SORT1: variants seen among roughly 807,000 people sequenced by gnomAD.
The protein encoded by SORT1 is sortilin 1.
Under a neutral mutation model 101.7 loss-of-function variants are expected in SORT1, and 39 were observed. That is an observed-to-expected ratio of 0.38 (90% confidence interval 0.30 to 0.50). The LOEUF is 0.50. SORT1 is among the 20% of genes least tolerant of loss of function. The pLI, the probability that SORT1 is intolerant of heterozygous loss-of-function variation, is 0.90. For synonymous variants in SORT1, 396 were observed against 393.7 expected, an observed-to-expected ratio of 1.01 and a Z score of -0.07; for missense variants, 878 against 1,040.4, an observed-to-expected ratio of 0.84 and a Z score of 2.15.
chr1:109,367,134 G>C, intron 3 of SORT1: 1 of 274,960 alleles, frequency 3.6e-6, no homozygotes, highest in Non-Finnish European at 6.8e-6. Context: ...GGCTGAAGTG[G>C]GAGGATGGCT....
intron 3 of SORT1, among the ~76,000 whole-genome samples, chr1:109,360,165 T>C (rs1421755210): frequency 1.2e-4 from 19 of 152,042 alleles, no homozygotes; most frequent in Admixed American, 1.2e-3. Context: ...TGAAAACCCA[T>C]CTCTACAAAG....
At chr1:109,339,536 T>C (rs1230214832) in intron 10 of SORT1, among the ~76,000 whole-genome samples, 1 of 152,164 alleles carries the variant, frequency 6.6e-6, no homozygotes, top group East Asian at 1.9e-4. Flanking sequence ...ATCAAAGCTA[T>C]AAACGAGATA....
chr1:109,396,516 C>T (rs1653183632), intron 1 of SORT1, among the ~76,000 whole-genome samples: 1 of 152,158 alleles, frequency 6.6e-6, no homozygotes, highest in South Asian at 2.1e-4. Context: ...CACAATTATT[C>T]CTGAATATTT....
chr1:109,354,263 A>G, intron 5 of SORT1, 104 bp downstream of exon 5: 2 of 836,804 alleles, frequency 2.4e-6, no homozygotes, highest in Non-Finnish European at 3.6e-6. Context: ...AGGAGACTTG[A>G]AAGAAGTCCA....
At chr1:109,391,390 C>T (rs1372226054) in intron 1 of SORT1, among the ~76,000 whole-genome samples, 1 of 152,120 alleles carries the variant, frequency 6.6e-6, no homozygotes, top group Non-Finnish European at 1.5e-5. Flanking sequence ...GTGATCACAA[C>T]CTCTGGCCTC....
intron 1 of SORT1, among the ~76,000 whole-genome samples, chr1:109,395,371 C>T (rs1344001195): frequency 2.0e-5 from 3 of 151,716 alleles, no homozygotes; most frequent in Admixed American, 6.6e-5. Flanking sequence ...CAGGCGCATG[C>T]CACCGCGTCT....
intron 15 of SORT1, among the ~76,000 whole-genome samples, chr1:109,318,323 TTTA>T (rs1647382687): frequency 6.6e-6 from 1 of 152,212 alleles, no homozygotes; most frequent in South Asian, 2.1e-4. Context: ...TGGCTAATTT[TTTA>T]TTTTTAGTAG....
At position 109,357,708 on chromosome 1, in the gene SORT1, A is replaced by AATATGCTG; in HGVS notation, c.441-2247_441-2240dup. Among the ~76,000 whole-genome samples the AATATGCTG allele has an allele frequency of 1.3e-5, 2 of 152,322 alleles. 1 individual carries two copies. Among genetic ancestry groups the AATATGCTG allele is most frequent in the Middle Eastern group, 6.8e-3 (2 of 294 alleles). ...ATGTGTGTATGTAGAGGTCCCTGAT[A>AATATGCTG]ATATGCTGAAACAAACTACATATGT... is the stretch of plus-strand genomic sequence containing the variant. On this transcript the variant is annotated intron_variant, in intron 3 of 19. Coordinates refer to ENST00000256637, the MANE Select transcript of SORT1 (RefSeq NM_002959.7).
At chr1:109,351,655 C>A (rs888577172) in intron 5 of SORT1, among the ~76,000 whole-genome samples, 1 of 152,208 alleles carries the variant, frequency 6.6e-6, no homozygotes, top group Non-Finnish European at 1.5e-5. Flanking sequence ...GAGAGCCTTC[C>A]TTCTGTGCCA....
At chr1:109,337,002 A>G (rs1054887840) in intron 10 of SORT1, among the ~76,000 whole-genome samples, 1 of 152,146 alleles carries the variant, frequency 6.6e-6, no homozygotes, top group African/African-American at 2.4e-5. Context: ...ACAGGAAGGC[A>G]TCCTAATCTT....
intron 13 of SORT1, among the ~76,000 whole-genome samples, chr1:109,326,516 CATAT>C (rs1648073286): frequency 1.6e-5 from 1 of 63,196 alleles, no homozygotes; most frequent in African/African-American, 5.8e-5. Context: ...CACACATACA[CATAT>C]ATATACACAT....
intron 1 of SORT1, among the ~76,000 whole-genome samples, chr1:109,381,860 C>T (rs1652262332): frequency 6.6e-6 from 1 of 150,912 alleles, no homozygotes; most frequent in African/African-American, 2.5e-5. Context: ...CAAGATTGTC[C>T]CTTAAAAAAG....
intron 15 of SORT1, among the ~76,000 whole-genome samples, chr1:109,322,395 G>A (rs1189802752): frequency 6.6e-6 from 1 of 152,030 alleles, no homozygotes. Flanking sequence ...GATTTCTCGG[G>A]TTTGTTGCTG....
intron 10 of SORT1, among the ~76,000 whole-genome samples, chr1:109,339,378 T>TA (rs1271625789): frequency 6.6e-6 from 1 of 152,196 alleles, no homozygotes; most frequent in Non-Finnish European, 1.5e-5. Flanking sequence ...AAAATTGTCA[T>TA]AAGCACCAGA....
chr1:109,315,492 C>T (rs893410025), intron 17 of SORT1, among the ~76,000 whole-genome samples: 9 of 152,056 alleles, frequency 5.9e-5, no homozygotes, highest in African/African-American at 2.2e-4. Context: ...TACCAATACA[C>T]ACACTCACAC....
intron 8 of SORT1, among the ~76,000 whole-genome samples, chr1:109,342,771 T>G (rs897824962): frequency 1.3e-5 from 2 of 151,964 alleles, no homozygotes; most frequent in Non-Finnish European, 2.9e-5. Flanking sequence ...GGAAACTGAT[T>G]AGGGAGTATT....
intron 1 of SORT1, among the ~76,000 whole-genome samples, chr1:109,375,199 A>G (rs1651746162): frequency 6.6e-6 from 1 of 152,186 alleles, no homozygotes; most frequent in Non-Finnish European, 1.5e-5. Flanking sequence ...TTTGAAGTAG[A>G]ACAACTTCAA....
intron 1 of SORT1, among the ~76,000 whole-genome samples, chr1:109,374,637 A>G (rs1032640711): frequency 4.6e-5 from 7 of 152,102 alleles, no homozygotes; most frequent in African/African-American, 1.7e-4. Flanking sequence ...TTAGACTTGT[A>G]GAAATGAGTA....
intron 1 of SORT1, among the ~76,000 whole-genome samples, chr1:109,380,945 A>G (rs1452071083): frequency 2.6e-5 from 4 of 151,962 alleles, no homozygotes; most frequent in Non-Finnish European, 5.9e-5. Context: ...TGAGCCAAGA[A>G]AGAAAAAGAA....
Sources: allele counts gnomAD v4.1 joint callset (sites outside exome capture counted in the v4.1 genomes callset), GRCh38; gene constraint gnomAD v4.1.1; transcripts MANE v1.5; gene names NCBI Gene and HGNC (gene_info 2026-07-23, HGNC 2026-07-21).